Variants in ATP1B2 observed in about 807,000 individuals in gnomAD.
ATP1B2 encodes the protein sodium/potassium-transporting ATPase subunit beta-2.
In ATP1B2, 12 loss-of-function variants were observed where a neutral mutation model predicts 37.3. The ratio of observed to expected loss-of-function variants is 0.32; its 90% confidence interval spans 0.21 to 0.52. ATP1B2 has a LOEUF of 0.52. ATP1B2 is among the 20% of genes least tolerant of loss of function. ATP1B2 has a pLI of 0.96. For missense variants in ATP1B2, 324 were observed against 391.6 expected (o/e 0.83, Z 1.46); for synonymous variants, 139 against 140.5 (o/e 0.99, Z 0.07).
Position 7,654,173 on chromosome 17 carries a change from G to A in ATP1B2, c.468G>A (p.Gln156=), listed in dbSNP as rs747456774. The change falls in exon 4 of 7, where the codon CAG becomes CAA. Residue 156 remains glutamine, a synonymous_variant. Transcript: ENST00000250111. The surrounding 1 kb of genome is among the most constrained non-coding windows in gnomAD (Gnocchi z 4.9). The stretch of plus-strand genomic sequence containing the variant: ...GTGCCTGCCAATTCAACCGGACCCA[G>A]CTGGGCAACTGCTCCGGCATTGGGG... ...PKRACQFNRT[Q]LGNCSGIGDS... is the part of the protein sequence containing the mutation. 6.2e-7 allele frequency: 1 copy of A among 1,614,076 alleles called. No individual in the cohort carries two copies. Among genetic ancestry groups the A allele is most frequent in the Admixed American group, 1.7e-5 (1 of 60,002 alleles).
At chr17:7,648,580 A>G (rs979239557), upstream of ATP1B2, among the ~76,000 whole-genome samples, 8 of 146,684 alleles carry the variant, frequency 5.5e-5, no homozygotes, top group Non-Finnish European at 1.2e-4. Context: ...AAAAAAAAAA[A>G]AAAAAAAAAA....
upstream of ATP1B2, among the ~76,000 whole-genome samples, chr17:7,649,481 G>A (rs139371797): frequency 0.024 from 3,624 of 149,282 alleles, 148 homozygotes; most frequent in African/African-American, 0.082. Context: ...TCCGCCTCCC[G>A]GGTTCAAGCA....
rs990951713 is a variant in ATP1B2 at position 7,655,100 on chromosome 17, G to A, written c.609+416G>A. 1.6e-5 allele frequency: 5 copies of A among 303,544 alleles called. No homozygotes were observed. The highest frequency in any genetic ancestry group is 1.0e-3 in the Middle Eastern group (1 of 976). 18.8% of individuals were successfully genotyped at this position (303,544 alleles called of 1,614,324 possible). A position where few individuals can be genotyped will look rare whatever the true frequency, so the allele number is the denominator to read the frequency against. On this transcript the variant is annotated intron_variant, in intron 5 of 6. Transcript: ENST00000250111. This position sits in a 1 kb window ranked among gnomAD's most constrained non-coding sequence, Gnocchi z 4.4. ...TGTTAGCACCATCTGCCACCAGTTC[G>A]TTGTCCTTGGGACCCTGTTCCCCGC...
rs1567533795 is a variant in ATP1B2 at position 7,657,569 on chromosome 17, AC to A, written c.*1675del. ...CTTTTTTTAATGCTGCAGCCTCCAC[AC>A]TCCACCCACAGGTGGACCCTTCCCT... On this transcript the variant is annotated 3_prime_UTR_variant, in exon 7 of 7. Coordinates refer to ENST00000250111, the MANE Select transcript of ATP1B2 (RefSeq NM_001678.5). 1 of 147,796 alleles carries A rather than the reference AC, an allele frequency of 6.8e-6. No homozygotes were observed. Among genetic ancestry groups the A allele is most frequent in the Non-Finnish European group, 1.5e-5 (1 of 66,698 alleles). The allele number at this position is 147,796 out of a possible 1,614,324, so 9.2% of individuals were successfully genotyped here. A position where few individuals can be genotyped will look rare whatever the true frequency, so the allele number is the denominator to read the frequency against.
At chr17:7,652,616 G>A (rs1414758630) in intron 1 of ATP1B2, among the ~76,000 whole-genome samples, 2 of 152,178 alleles carry the variant, frequency 1.3e-5, no homozygotes, top group African/African-American at 4.8e-5. Context: ...GAGAGCCAGA[G>A]GACTTCATGG....
At chr17:7,651,848 C>T (rs2072615516) in intron 1 of ATP1B2, among the ~76,000 whole-genome samples, 1 of 152,076 alleles carries the variant, frequency 6.6e-6, no homozygotes, top group Non-Finnish European at 1.5e-5. Flanking sequence ...TTCCCGCCCC[C>T]CGCGGAGCCC....
chr17:7,648,567 C>CAA (rs58333874), upstream of ATP1B2, among the ~76,000 whole-genome samples: 676 of 69,670 alleles, frequency 9.7e-3, 10 homozygotes, highest in Non-Finnish European at 0.014. Context: ...ACTCTGTCTC[C>CAA]AAAAAAAAAA....
rs981106543 is a variant in ATP1B2 at position 7,651,242 on chromosome 17, C to G, written c.-277C>G. The G allele has an allele frequency of 2.7e-5, 12 of 444,760 alleles. No individual in the cohort carries two copies. The highest frequency in any genetic ancestry group is 2.1e-4 in the African/African-American group (10 of 47,866). 27.6% of individuals were successfully genotyped at this position (444,760 alleles called of 1,614,324 possible). The stretch of plus-strand genomic sequence containing the variant: ...GTGGGGGGTGAAGCTGCATTCATAC[C>G]CCTTCCTCTTGTTATTCTCCCCTGC... On this transcript the variant is annotated 5_prime_UTR_variant, in exon 1 of 7. Transcript: ENST00000250111.
rs2072612341 is a variant in ATP1B2 at position 7,651,490 on chromosome 17, C to G, written c.-29C>G. On this transcript the variant is annotated 5_prime_UTR_variant, in exon 1 of 7. Transcript: ENST00000250111. ...CCCGCTTCTCCGCAACCCCCCGCCC[C>G]GCGCCCGGACTCGCCCCGCGCCACC... 1.9e-6 allele frequency: 3 copies of G among 1,550,482 alleles called. No homozygotes were observed. Among genetic ancestry groups the G allele is most frequent in the Non-Finnish European group, 1.7e-6 (2 of 1,144,680 alleles).
At position 7,651,476 on chromosome 17, in the gene ATP1B2, G is replaced by A. The variant is rs1347901761; in HGVS notation, c.-43G>A. The A allele has an allele frequency of 1.3e-6, 2 of 1,529,464 alleles. No individual in the cohort carries two copies. Among genetic ancestry groups the A allele is most frequent in the Middle Eastern group, 1.9e-4 (1 of 5,360 alleles). 94.7% of individuals were successfully genotyped at this position (1,529,464 alleles called of 1,614,324 possible). On this transcript the variant is annotated 5_prime_UTR_variant, in exon 1 of 7. Coordinates refer to ENST00000250111, the MANE Select transcript of ATP1B2 (RefSeq NM_001678.5). Reference sequence around the variant, plus strand: ...CAGCGCGCGGCGCCCCCGCTTCTCCGCAACCCCCCGCCCCGCGCCCGGACT... The same window carrying A: ...CAGCGCGCGGCGCCCCCGCTTCTCCACAACCCCCCGCCCCGCGCCCGGACT...
upstream of ATP1B2, among the ~76,000 whole-genome samples, chr17:7,649,005 C>T (rs983287328): frequency 4.6e-5 from 7 of 152,152 alleles, no homozygotes; most frequent in Non-Finnish European, 2.9e-5. Context: ...TGGAAGACTA[C>T]CTACCCTTCA....
Position 7,654,060 on chromosome 17 carries a change from G to T in ATP1B2, c.355G>T (p.Asp119Tyr). Reference protein sequence around the residue: ...KLNKFLEPYNDSIQAQKNDVC... With the variant: ...KLNKFLEPYNYSIQAQKNDVC... ...CCCTCCCACCTCTTTAGCTTACAAC[G>T]ACTCTATCCAAGCCCAAAAGAATGA... Residue 119 changes from aspartate to tyrosine, a missense_variant, in exon 4 of 7, where the codon GAC (aspartate) becomes TAC (tyrosine). By Grantham distance (160) the Asp-to-Tyr change is radical (BLOSUM62 -3). Transcript: ENST00000250111. This position sits in a 1 kb window ranked among gnomAD's most constrained non-coding sequence, Gnocchi z 4.9. 1 of 1,614,128 alleles carries T rather than the reference G, an allele frequency of 6.2e-7. No individual in the cohort carries two copies. Among genetic ancestry groups the T allele is most frequent in the Non-Finnish European group, 8.5e-7 (1 of 1,180,016 alleles).
Position 7,654,525 on chromosome 17 carries a change from C to T in ATP1B2, c.553-103C>T. 1.6e-6 allele frequency: 2 copies of T among 1,287,430 alleles called. No homozygotes were observed. Among genetic ancestry groups the T allele is most frequent in the Non-Finnish European group, 2.3e-6 (2 of 886,874 alleles). 79.8% of individuals were successfully genotyped at this position (1,287,430 alleles called of 1,614,324 possible). On this transcript the variant is annotated intron_variant, in intron 4 of 6. Coordinates refer to ENST00000250111, the MANE Select transcript of ATP1B2 (RefSeq NM_001678.5). The surrounding 1 kb of genome is among the most constrained non-coding windows in gnomAD (Gnocchi z 4.9). ...AATTAAGCTATCCTCCCGCCTCAAC[C>T]TCCCTAGTAGTTGGGACTACAGTCC...
chr17:7,651,250 CTT>C lies in ATP1B2; in HGVS notation c.-268_-267del. The C allele has an allele frequency of 2.2e-6, 1 of 464,326 alleles. No individual in the cohort carries two copies. Among genetic ancestry groups the C allele is most frequent in the Non-Finnish European group, 3.9e-6 (1 of 253,474 alleles). The allele number at this position is 464,326 out of a possible 1,614,324, so 28.8% of individuals were successfully genotyped here. Reference sequence around the variant, plus strand: ...TGAAGCTGCATTCATACCCCTTCCTCTTGTTATTCTCCCCTGCTCTGACAGCA... The same window carrying C: ...TGAAGCTGCATTCATACCCCTTCCTCGTTATTCTCCCCTGCTCTGACAGCA... On this transcript the variant is annotated 5_prime_UTR_variant, in exon 1 of 7. Transcript: ENST00000250111.
At chr17:7,650,573 T>G (rs2072603815), upstream of ATP1B2, among the ~76,000 whole-genome samples, 1 of 152,162 alleles carries the variant, frequency 6.6e-6, no homozygotes, top group Non-Finnish European at 1.5e-5. Context: ...CCGCCGCATC[T>G]GTATCTTAGT....
intron 1 of ATP1B2, among the ~76,000 whole-genome samples, chr17:7,652,768 C>A (rs1229533530): frequency 6.6e-6 from 1 of 152,160 alleles, no homozygotes; most frequent in Non-Finnish European, 1.5e-5. Flanking sequence ...TCCTCCCTGC[C>A]TCTGCCCAGG....
chr17:7,652,369 G>A (rs2150977682), intron 1 of ATP1B2, among the ~76,000 whole-genome samples: 1 of 152,170 alleles, frequency 6.6e-6, no homozygotes, highest in South Asian at 2.1e-4. Context: ...GGGGTCTGGT[G>A]ACCGGCACAG....
chr17:7,654,461 G>A lies in ATP1B2; in HGVS notation c.553-167G>A, dbSNP rs2072636254. On this transcript the variant is annotated intron_variant, in intron 4 of 6. Coordinates refer to ENST00000250111, the MANE Select transcript of ATP1B2 (RefSeq NM_001678.5). This position sits in a 1 kb window ranked among gnomAD's most constrained non-coding sequence, Gnocchi z 4.9. Reference sequence around the variant, plus strand: ...TGCCTTTTGTTTTTTTTTTAGACAGGGTCTTGCTATGTTGCCCAGGCTGGC... The same window carrying A: ...TGCCTTTTGTTTTTTTTTTAGACAGAGTCTTGCTATGTTGCCCAGGCTGGC... 6.6e-6 allele frequency among the ~76,000 whole-genome samples: 1 copy of A among 152,106 alleles called. No homozygotes were observed. Among genetic ancestry groups the A allele is most frequent in the African/African-American group, 2.4e-5 (1 of 41,506 alleles).
chr17:7,653,531 A>G, intron 2 of ATP1B2, 29 bp downstream of exon 2: 1 of 1,612,076 alleles, frequency 6.2e-7, no homozygotes, highest in Non-Finnish European at 8.5e-7. Flanking sequence ...CCTGCCAGCT[A>G]CTCTAACTGC....
Sources: gnomAD v4.1 joint callset for allele counts (sites outside exome capture counted in the v4.1 genomes callset) on GRCh38, gnomAD v4.1.1 for gene constraint, Gnocchi (gnomAD v3.1) non-coding constraint, MANE v1.5 for transcripts, NCBI Gene and HGNC (gene_info 2026-07-23, HGNC 2026-07-21) for gene names.